The following MMP26 variants were observed in gnomAD, a reference collection of about 807,000 sequenced individuals.
MMP26 encodes matrix metallopeptidase 26.
In MMP26, 33 loss-of-function variants were observed where a neutral mutation model predicts 31.0. The observed-to-expected ratio is 1.06, with a 90% confidence interval of 0.81 to 1.42. MMP26 has a LOEUF of 1.42. MMP26 is among the 40% of genes most tolerant of loss of function. The pLI, the probability that MMP26 is intolerant of heterozygous loss-of-function variation, is 0.00. For synonymous variants in MMP26, 122 were observed against 114.9 expected (o/e 1.06, Z -0.40); for missense variants, 347 against 316.1 (o/e 1.10, Z -0.74).
chr11:4,830,938 G>A (rs1319070239), intron 2 of MMP26, among the ~76,000 whole-genome samples: 1 of 152,160 alleles, frequency 6.6e-6, no homozygotes, highest in Admixed American at 6.5e-5. Flanking sequence ...CTGTAAGGTG[G>A]TGAGTACTTT....
At chr11:4,823,412 C>T (rs1163912101) in intron 2 of MMP26, among the ~76,000 whole-genome samples, 1 of 152,120 alleles carries the variant, frequency 6.6e-6, no homozygotes, top group Non-Finnish European at 1.5e-5. Flanking sequence ...CATTAACAAC[C>T]AAGAGTACTA....
At position 4,769,478 on chromosome 11, in the gene MMP26, C is replaced by T. The variant is rs766239647; in HGVS notation, c.-145+2137C>T. The T allele has an allele frequency of 8.7e-6, 14 of 1,613,322 alleles. No individual in the cohort carries two copies. The South Asian group carries it at 1.5e-4, about 18-fold the overall frequency. ...TATAGCACGTGTAATCATCAGAAGA[C>T]CCATTTGAATGATTCTGGAATTAGT... On this transcript the variant is annotated intron_variant, in intron 2 of 7. Coordinates refer to ENST00000380390, the MANE Select transcript of MMP26 (RefSeq NM_021801.5).
At chr11:4,878,497 T>C (rs2133534127) in intron 2 of MMP26, among the ~76,000 whole-genome samples, 1 of 152,152 alleles carries the variant, frequency 6.6e-6, no homozygotes, top group South Asian at 2.1e-4. Flanking sequence ...AATAAGAAAT[T>C]TCATATAAGC....
intron 2 of MMP26, among the ~76,000 whole-genome samples, chr11:4,857,369 C>T (rs1419386634): frequency 4.0e-5 from 6 of 151,784 alleles, no homozygotes; most frequent in Non-Finnish European, 7.4e-5. Flanking sequence ...ATCAAATAGA[C>T]ACAATAAAAA....
In MMP26 at chr11:4,784,718, T is replaced by C. The variant is rs932938943; in HGVS notation, c.-145+17377T>C. Among the ~76,000 whole-genome samples, 7 of 152,286 alleles carry C rather than the reference T, an allele frequency of 4.6e-5. No individual in the cohort carries two copies. In the East Asian group the frequency reaches 1.2e-3, roughly 25 times the overall value. ...TGGCTTCTAGAACAGAGATGGTACA[T>C]TTGATTTGTTTTAAGCCACCAAGTT... is the stretch of plus-strand genomic sequence containing the variant. On this transcript the variant is annotated intron_variant, in intron 2 of 7. Transcript: ENST00000380390.
intron 1 of MMP26, among the ~76,000 whole-genome samples, chr11:4,759,110 T>TCA (rs1564902729): frequency 8.5e-5 from 3 of 35,224 alleles, no homozygotes; most frequent in African/African-American, 4.3e-4. Context: ...ACATTCCATC[T>TCA]CAAAAAAAAA....
At chr11:4,915,060 T>A in intron 2 of MMP26, 4 of 1,614,016 alleles carry the variant, frequency 2.5e-6, no homozygotes, top group Non-Finnish European at 3.4e-6. Flanking sequence ...ATGCCGTAGA[T>A]GCTGTTGGCC....
At chr11:4,833,543 A>C (rs1849674525) in intron 2 of MMP26, among the ~76,000 whole-genome samples, 1 of 152,170 alleles carries the variant, frequency 6.6e-6, no homozygotes, top group Non-Finnish European at 1.5e-5. Flanking sequence ...TTACTTTGCT[A>C]TTCAAAGTGT....
intron 1 of MMP26, among the ~76,000 whole-genome samples, chr11:4,757,727 A>G (rs1280573764): frequency 6.6e-6 from 1 of 152,038 alleles, no homozygotes; most frequent in South Asian, 2.1e-4. Flanking sequence ...AAAATTAAGA[A>G]ATAAAAATTT....
At chr11:4,907,491 G>GC (rs762351728) in intron 2 of MMP26, 2 of 1,613,952 alleles carry the variant, frequency 1.2e-6, no homozygotes, top group Non-Finnish European at 8.5e-7. Context: ...GCCATCATGG[G>GC]CAACTGCACC....
intron 2 of MMP26, among the ~76,000 whole-genome samples, chr11:4,801,534 T>G (rs147259343): frequency 9.1e-5 from 9 of 99,144 alleles, no homozygotes; most frequent in South Asian, 2.6e-4. Context: ...ATTTATTTAT[T>G]TATTTATTTA....
chr11:4,861,654 G>A (rs1850161459), intron 2 of MMP26, among the ~76,000 whole-genome samples: 1 of 151,850 alleles, frequency 6.6e-6, no homozygotes, highest in South Asian at 2.1e-4. Context: ...CTTATTTTAA[G>A]GTAGGTAGAA....
rs139645549 is a variant in MMP26, at chr11:4,761,067, C to A, written c.-216-6203C>A. On this transcript the variant is annotated intron_variant, in intron 1 of 7. Transcript: ENST00000380390. ...AGTGGAGGGTGAGTGGAGTTAGAAG[C>A]TCAAAGGGCTTAGAGGTCAGGGACC... 8.5e-5 allele frequency among the ~76,000 whole-genome samples: 13 copies of A among 152,232 alleles called. No homozygotes were observed. The East Asian group carries it at 2.3e-3, about 27-fold the overall frequency.
chr11:4,753,871 C>T lies in MMP26; in HGVS notation c.-216-13399C>T, dbSNP rs904431340. On this transcript the variant is annotated intron_variant, in intron 1 of 7. Coordinates refer to ENST00000380390, the MANE Select transcript of MMP26 (RefSeq NM_021801.5). ...TAGTTTGTAACACAAAATACTGCCC[C>T]GTTTATGATTATAAAACCTGCTTCT... Among the ~76,000 whole-genome samples the T allele has an allele frequency of 5.3e-5, 8 of 151,948 alleles. 1 individual carries two copies. Among genetic ancestry groups the T allele is most frequent in the South Asian group, 4.2e-4 (2 of 4,802 alleles).
chr11:4,736,373 G>C (rs1462563707), intron 1 of MMP26: 1 of 152,182 alleles, frequency 6.6e-6, no homozygotes, highest in African/African-American at 2.4e-5. Context: ...CTATGTAGGA[G>C]ATACAAGTGC....
chr11:4,835,835 T>C (rs1427331122), intron 2 of MMP26, among the ~76,000 whole-genome samples: 3 of 152,210 alleles, frequency 2.0e-5, no homozygotes, highest in South Asian at 4.1e-4. Context: ...TAATCATGCA[T>C]ACAAAGTTTA....
intron 1 of MMP26, chr11:4,710,069 C>T: frequency 6.6e-6 from 3 of 456,764 alleles, no homozygotes; most frequent in Non-Finnish European, 1.3e-5. Flanking sequence ...TCCTTAAGCG[C>T]CTCTCCTTCT....
intron 1 of MMP26, among the ~76,000 whole-genome samples, chr11:4,716,172 A>C (rs1046462838): frequency 6.6e-6 from 1 of 152,188 alleles, no homozygotes; most frequent in African/African-American, 2.4e-5. Context: ...AATTAAGAAC[A>C]ATCTCCAATT....
chr11:4,753,523 G>T (rs1490285209), intron 1 of MMP26, among the ~76,000 whole-genome samples: 1 of 152,066 alleles, frequency 6.6e-6, no homozygotes, highest in Non-Finnish European at 1.5e-5. Context: ...GTTTAGTGGA[G>T]TTGCTTGCTC....
Sources: gnomAD v4.1 joint callset for allele counts (sites outside exome capture counted in the v4.1 genomes callset) on GRCh38, gnomAD v4.1.1 for gene constraint, MANE v1.5 for transcripts, NCBI Gene and HGNC (gene_info 2026-07-23, HGNC 2026-07-21) for gene names.